The following GABRA3 variants were observed in gnomAD, a reference collection of about 807,000 sequenced individuals.
The protein encoded by GABRA3 is gamma-aminobutyric acid type A receptor subunit alpha3.
Under a neutral mutation model 30.1 loss-of-function variants are expected in GABRA3, and 10 were observed. The observed-to-expected ratio is 0.33, with a 90% CI of 0.20 to 0.56. The LOEUF is 0.56. Ranked by LOEUF, GABRA3 falls within the 20% of genes least tolerant of loss-of-function variation. The pLI is 0.89. For missense variants in GABRA3, 233 were observed against 392.0 expected (o/e 0.59, Z 3.42); for synonymous variants, 151 against 146.8 (o/e 1.03, Z -0.21).
At chrX:152,232,047 G>C in intron 5 of GABRA3, among the ~76,000 whole-genome samples, 1 of 111,415 alleles carries the variant, frequency 9.0e-6, no homozygotes, top group South Asian at 3.7e-4. Context: ...TTTTGGAAGT[G>C]ATAGTATGTT....
chrX:152,178,414 G>A (rs1301134321), intron 9 of GABRA3, among the ~76,000 whole-genome samples: 1 of 111,196 alleles, frequency 9.0e-6, no homozygotes, highest in African/African-American at 3.3e-5. Flanking sequence ...AATACCAAGG[G>A]GTGATTTGAT....
chrX:152,362,162 A>G (rs182196728), intron 2 of GABRA3, among the ~76,000 whole-genome samples: 1 of 111,448 alleles, frequency 9.0e-6, no homozygotes, highest in African/African-American at 3.3e-5. Flanking sequence ...AAAGACTCAG[A>G]GTACATTAAG....
intron 2 of GABRA3, among the ~76,000 whole-genome samples, chrX:152,357,950 T>G (rs1277614752): frequency 9.0e-6 from 1 of 111,657 alleles, no homozygotes; most frequent in Admixed American, 9.5e-5. Flanking sequence ...TTTTGGTTAC[T>G]ACAGCCCCAT....
rs187715217 is a variant in GABRA3, at chrX:152,213,099, T to A, written c.635-4955A>T. Among the ~76,000 whole-genome samples the A allele has an allele frequency of 7.1e-5, 8 of 112,107 alleles. No homozygotes were observed. In the Admixed American group the frequency reaches 7.6e-4, roughly 11 times the overall value. ...GCAAAAGCAACTCCTTGTCTTTAGT[T>A]GCTTAGCAAAATGCCTCCTTCTGTT... On this transcript the variant is annotated intron_variant, in intron 6 of 9. Transcript: ENST00000370314.
chrX:152,327,615 G>A (rs12852895), intron 3 of GABRA3, among the ~76,000 whole-genome samples: 108 of 111,805 alleles, frequency 9.7e-4, no homozygotes, highest in African/African-American at 3.2e-3. Context: ...GGTACATAAC[G>A]AAATGAAGGC....
At chrX:152,231,355 G>T (rs1427538999) in intron 5 of GABRA3, among the ~76,000 whole-genome samples, 1 of 109,215 alleles carries the variant, frequency 9.2e-6, no homozygotes, top group Non-Finnish European at 1.9e-5. Context: ...GTGTATATAC[G>T]TGTATATATG....
At chrX:152,276,177 T>C (rs1939081457) in intron 4 of GABRA3, among the ~76,000 whole-genome samples, 1 of 111,170 alleles carries the variant, frequency 9.0e-6, no homozygotes, top group Non-Finnish European at 1.9e-5. Context: ...AGAAACAAGG[T>C]TGCCTAGAGT....
intron 4 of GABRA3, among the ~76,000 whole-genome samples, chrX:152,267,326 A>G (rs1371409330): frequency 8.9e-6 from 1 of 112,060 alleles, no homozygotes; most frequent in Non-Finnish European, 1.9e-5. Context: ...ATTAATTTGT[A>G]TATGTTGAAC....
At chrX:152,355,106 A>C (rs1254696699) in intron 2 of GABRA3, among the ~76,000 whole-genome samples, 3 of 110,994 alleles carry the variant, frequency 2.7e-5, no homozygotes, top group African/African-American at 9.8e-5. Flanking sequence ...AGATATGACA[A>C]GGAGACAAGC....
chrX:152,236,959 G>C lies in GABRA3; in HGVS notation c.552-12114C>G, dbSNP rs1244807943. Among the ~76,000 whole-genome samples the C allele has an allele frequency of 2.8e-5, 3 of 105,966 alleles. No homozygotes were observed. The East Asian group carries it at 9.1e-4, about 32-fold the overall frequency. The allele number at this position is 105,966 out of a possible 115,157, so 92.0% of individuals were successfully genotyped here. ...ATTTTGTAGGTTGCCTGTTCACTCT[G>C]ATGGTAGTTTCTTTAGTTGTGCAGA... On this transcript the variant is annotated intron_variant, in intron 5 of 9. Coordinates refer to ENST00000370314, the MANE Select transcript of GABRA3 (RefSeq NM_000808.4).
chrX:152,378,106 G>C (rs1002562239), intron 1 of GABRA3, among the ~76,000 whole-genome samples: 2 of 112,206 alleles, frequency 1.8e-5, no homozygotes, highest in African/African-American at 6.5e-5. Context: ...CAGGTGACCT[G>C]CAGAAGTAAA....
At chrX:152,172,944 G>A (rs1237477562) in intron 9 of GABRA3, among the ~76,000 whole-genome samples, 1 of 97,068 alleles carries the variant, frequency 1.0e-5, no homozygotes, top group Non-Finnish European at 2.1e-5. Flanking sequence ...ATATTTACGA[G>A]TATGTGTACA....
chrX:152,315,971 ACCCC>A (rs58520094), intron 3 of GABRA3, among the ~76,000 whole-genome samples: 5,815 of 29,763 alleles, frequency 0.2, 658 homozygotes, highest in Middle Eastern at 0.33. Context: ...CCGCCCCCCG[ACCCC>A]CCCCCCCCCC....
intron 1 of GABRA3, among the ~76,000 whole-genome samples, chrX:152,420,525 T>C (rs1230138819): frequency 9.0e-6 from 1 of 110,934 alleles, no homozygotes; most frequent in Non-Finnish European, 1.9e-5. Flanking sequence ...AATAAAAACA[T>C]AATAAATGGA....
chrX:152,199,098 C>T (rs755479773), intron 7 of GABRA3, among the ~76,000 whole-genome samples: 34 of 110,990 alleles, frequency 3.1e-4, no homozygotes, highest in African/African-American at 1.1e-3. Context: ...TGCGGTGGCT[C>T]AAGCCTGCCT....
At chrX:152,303,937 C>T (rs989584464) in intron 3 of GABRA3, among the ~76,000 whole-genome samples, 2 of 111,625 alleles carry the variant, frequency 1.8e-5, no homozygotes, top group African/African-American at 6.5e-5. Flanking sequence ...TGTAACAAAC[C>T]TGCATGTTCT....
intron 9 of GABRA3, among the ~76,000 whole-genome samples, chrX:152,184,507 C>G (rs917358429): frequency 4.6e-4 from 51 of 111,346 alleles, no homozygotes; most frequent in African/African-American, 1.7e-3. Flanking sequence ...AGCAACCCTG[C>G]TGTTTTTTCC....
Position 152,270,252 on chromosome X carries a change from CT to C in GABRA3, c.331-14255del, listed in dbSNP as rs753754496. Among the ~76,000 whole-genome samples, 3 of 111,010 alleles carry C rather than the reference CT, an allele frequency of 2.7e-5. No homozygotes were observed. The Admixed American group carries it at 2.9e-4, about 11-fold the overall frequency. Reference sequence around the variant, plus strand: ...TGAGATCTGATGGTTTTATAAGAGGCTTTCCCCCCCTTTACTTGACACTTCT... The same window carrying C: ...TGAGATCTGATGGTTTTATAAGAGGCTTCCCCCCCTTTACTTGACACTTCT... On this transcript the variant is annotated intron_variant, in intron 4 of 9. Transcript: ENST00000370314.
chrX:152,307,445 C>T (rs186250632), intron 3 of GABRA3, among the ~76,000 whole-genome samples: 170 of 111,051 alleles, frequency 1.5e-3, no homozygotes, highest in African/African-American at 4.9e-3. Context: ...GAAGTAGTGG[C>T]CATTTGGGAA....
Sources: gnomAD v4.1 joint callset for allele counts (sites outside exome capture counted in the v4.1 genomes callset) on GRCh38, gnomAD v4.1.1 for gene constraint, MANE v1.5 for transcripts, NCBI Gene and HGNC (gene_info 2026-07-23, HGNC 2026-07-21) for gene names.